The following EIF5B variants were observed in gnomAD, a reference collection of about 807,000 sequenced individuals.
EIF5B encodes eukaryotic translation initiation factor 5B.
Under a neutral mutation model 147.5 loss-of-function variants are expected in EIF5B, and 47 were observed. The ratio of observed to expected loss-of-function variants is 0.32; its 90% CI spans 0.25 to 0.41. EIF5B has a LOEUF of 0.41. EIF5B is among the 10% of genes least tolerant of loss of function. The pLI, the probability that EIF5B is intolerant of heterozygous loss-of-function variation, is 1.00. For missense variants in EIF5B, 1,064 were observed against 1,413.2 expected, an observed-to-expected ratio of 0.75 and a Z score of 3.96; for synonymous variants, 455 against 456.2, an observed-to-expected ratio of 1.00 and a Z score of 0.03.
At chr2:99,377,998 A>G (rs775247112) in intron 10 of EIF5B, among the ~76,000 whole-genome samples, 1 of 152,124 alleles carries the variant, frequency 6.6e-6, no homozygotes, top group Non-Finnish European at 1.5e-5. Context: ...TGGGAGAGAG[A>G]GGCAGTTTTC....
rs1387444405 is a variant in EIF5B at position 99,376,604 on chromosome 2, A to T, written c.1810A>T (p.Arg604Trp). 1 of 1,611,822 alleles carries T rather than the reference A, an allele frequency of 6.2e-7. No individual in the cohort carries two copies. The highest frequency in any genetic ancestry group is 8.5e-7 in the Non-Finnish European group (1 of 1,179,380). Residue 604 changes from arginine to tryptophan, a missense_variant, in exon 10 of 24, where the codon AGG (arginine) becomes TGG (tryptophan). Arg to Trp is a moderately radical substitution (Grantham distance 101). Around this residue, in one of 4 missense-constraint regions of EIF5B, gnomAD observed 195 missense variants for 186.3 expected, o/e 1.05. Transcript: ENST00000289371. ...TGATGATGATCGGACTAAAGAAGAA[A>T]GGGCTTATGACAAAGCAAAACGGAG... ...DSDDDRTKEERAYDKAKRRIE... is the reference protein window; with the variant it reads ...DSDDDRTKEEWAYDKAKRRIE...
intron 9 of EIF5B, among the ~76,000 whole-genome samples, chr2:99,375,194 G>A (rs1442521927): frequency 4.0e-5 from 6 of 151,866 alleles, no homozygotes; most frequent in African/African-American, 7.3e-5. Flanking sequence ...TTTATATGTT[G>A]GTTCTTCTCA....
intron 17 of EIF5B, among the ~76,000 whole-genome samples, chr2:99,391,670 T>C (rs1190933386): frequency 6.6e-6 from 1 of 152,112 alleles, no homozygotes; most frequent in African/African-American, 2.4e-5. Flanking sequence ...CCCTTAGAAG[T>C]GTCTGTAGAC....
At chr2:99,390,843 T>C in intron 17 of EIF5B, 138 bp downstream of exon 17, 1 of 963,038 alleles carries the variant, frequency 1.0e-6, no homozygotes, top group Non-Finnish European at 1.5e-6. Flanking sequence ...TTTATTTTAG[T>C]TGTCATCATA....
At chr2:99,376,252 C>T in intron 9 of EIF5B, 95 bp from the exon 10 acceptor site, 1 of 833,646 alleles carries the variant, frequency 1.2e-6, no homozygotes, top group Non-Finnish European at 1.8e-6. Flanking sequence ...TCAGGGAAGC[C>T]AAAAGATTGG....
At chr2:99,354,105 A>G (rs897382504) in intron 1 of EIF5B, among the ~76,000 whole-genome samples, 1 of 152,216 alleles carries the variant, frequency 6.6e-6, no homozygotes, top group Non-Finnish European at 1.5e-5. Flanking sequence ...CAAGAAACTG[A>G]TAGACTGTTT....
intron 22 of EIF5B, 198 bp downstream of exon 22, chr2:99,397,096 C>T: frequency 4.2e-6 from 2 of 481,506 alleles, no homozygotes; most frequent in Non-Finnish European, 6.9e-6. Context: ...ACAAGCAGAG[C>T]CTGTCACCTT....
chr2:99,339,638 A>G (rs1239350488), intron 1 of EIF5B, among the ~76,000 whole-genome samples: 2 of 152,242 alleles, frequency 1.3e-5, no homozygotes, highest in South Asian at 2.1e-4. Flanking sequence ...CAGCCTCCCT[A>G]GTAGCTAGGA....
chr2:99,379,526 C>T (rs1674645430), intron 12 of EIF5B, 98 bp downstream of exon 12: 1 of 836,778 alleles, frequency 1.2e-6, no homozygotes, highest in Admixed American at 3.0e-5. Context: ...GATAACAGCT[C>T]CATATACTCA....
chr2:99,390,745 A>G, intron 17 of EIF5B, 40 bp downstream of exon 17: 1 of 1,570,936 alleles, frequency 6.4e-7, no homozygotes, highest in Non-Finnish European at 8.7e-7. Context: ...GGGGACTTGT[A>G]CAGTGTTTAG....
chr2:99,339,641 A>G (rs1369542184), intron 1 of EIF5B, among the ~76,000 whole-genome samples: 1 of 152,064 alleles, frequency 6.6e-6, no homozygotes, highest in Non-Finnish European at 1.5e-5. Flanking sequence ...CCTCCCTAGT[A>G]GCTAGGACTA....
chr2:99,371,465 G>A (rs1674449384), intron 8 of EIF5B, among the ~76,000 whole-genome samples, 191 bp from the exon 9 acceptor site: 1 of 149,120 alleles, frequency 6.7e-6, no homozygotes, highest in Non-Finnish European at 1.5e-5. Context: ...TCCAGCCTGG[G>A]CGACAGAGCA....
At chr2:99,348,334 G>C (rs2094277553) in intron 1 of EIF5B, among the ~76,000 whole-genome samples, 1 of 152,196 alleles carries the variant, frequency 6.6e-6, no homozygotes, top group Non-Finnish European at 1.5e-5. Flanking sequence ...TGTAGTACTT[G>C]AGCCATAACT....
At chr2:99,373,626 T>A (rs1674500173) in intron 9 of EIF5B, among the ~76,000 whole-genome samples, 1 of 152,188 alleles carries the variant, frequency 6.6e-6, no homozygotes, top group Non-Finnish European at 1.5e-5. Flanking sequence ...AGGATCTAGT[T>A]GAGATTTTTT....
chr2:99,346,332 A>G (rs1277929318), intron 1 of EIF5B, among the ~76,000 whole-genome samples: 1 of 152,176 alleles, frequency 6.6e-6, no homozygotes, highest in Non-Finnish European at 1.5e-5. Context: ...GATGGTGTTC[A>G]CCAAATTGGT....
chr2:99,371,519 A>G, intron 8 of EIF5B, 137 bp from the exon 9 acceptor site: 2 of 602,656 alleles, frequency 3.3e-6, no homozygotes, highest in East Asian at 6.3e-5. Flanking sequence ...AGTTCTAAAG[A>G]TAATAGCTGC....
chr2:99,363,220 T>C (rs1049620208), intron 4 of EIF5B, among the ~76,000 whole-genome samples: 1 of 152,210 alleles, frequency 6.6e-6, no homozygotes, highest in Non-Finnish European at 1.5e-5. Flanking sequence ...ATCATTCTCA[T>C]TAACTCCATC....
chr2:99,377,113 G>A (rs1318992382), intron 10 of EIF5B, among the ~76,000 whole-genome samples: 2 of 152,052 alleles, frequency 1.3e-5, no homozygotes, highest in Non-Finnish European at 2.9e-5. Flanking sequence ...GTAGATTTCA[G>A]TATGCTTCAA....
rs373753443 is a variant in EIF5B at position 99,389,783 on chromosome 2, G to A, written c.2337G>A (p.Gln779=). 1.2e-4 allele frequency: 194 copies of A among 1,613,300 alleles called. No individual in the cohort carries two copies. Among genetic ancestry groups the A allele is most frequent in the Admixed American group, 1.2e-3 (70 of 59,922 alleles). The change falls in exon 15 of 24, where the codon CAG becomes CAA. Residue 779 remains glutamine, a synonymous_variant. Coordinates refer to ENST00000289371, the MANE Select transcript of EIF5B (RefSeq NM_015904.4). ...DSDVAATLKK[Q]KKNTKDEFEE... is the part of the protein sequence containing the mutation. Reference sequence around the variant, plus strand: ...ATGTGGCTGCTACTTTAAAGAAGCAGAAAAAGAATACAAAAGATGAATTTG... The same window carrying A: ...ATGTGGCTGCTACTTTAAAGAAGCAAAAAAAGAATACAAAAGATGAATTTG...
Sources: gnomAD v4.1 joint callset for allele counts (sites outside exome capture counted in the v4.1 genomes callset) on GRCh38, gnomAD v4.1.1 for gene constraint, gnomAD v4.1.1 regional missense constraint, MANE v1.5 for transcripts, NCBI Gene and HGNC (gene_info 2026-07-23, HGNC 2026-07-21) for gene names.